NRG1: variants seen among roughly 807,000 people sequenced by gnomAD.
NRG1 encodes the protein pro-neuregulin-1, membrane-bound isoform.
In NRG1, 18 loss-of-function variants were observed where a neutral mutation model predicts 63.8. That is an observed-to-expected ratio of 0.28 (90% confidence interval 0.19 to 0.42). The LOEUF is 0.42. Ranked by LOEUF, NRG1 falls within the 10% of genes least tolerant of loss-of-function variation. The pLI, the probability that NRG1 is intolerant of heterozygous loss-of-function variation, is 1.00. For synonymous variants in NRG1, 302 were observed against 301.3 expected (o/e 1.00, Z -0.02); for missense variants, 762 against 814.7 (o/e 0.94, Z 0.79).
At position 31,979,284 on chromosome 8, in the gene NRG1, C is replaced by A. The variant is rs181726580; in HGVS notation, c.37+339853C>A. The stretch of plus-strand genomic sequence containing the variant: ...ATGGAAACAGGATAATGGAGCTAAA[C>A]CTAAATGGCATTTTCTAACCATGTC... On this transcript the variant is annotated intron_variant, in intron 1 of 10. Coordinates refer to the NRG1 transcript ENST00000519301. Among the ~76,000 whole-genome samples, 321 of 152,226 alleles carry A rather than the reference C, an allele frequency of 2.1e-3. 1 individual carries two copies. Among genetic ancestry groups the A allele is most frequent in the African/African-American group, 7.4e-3 (306 of 41,562 alleles).
intron 5 of NRG1, among the ~76,000 whole-genome samples, chr8:32,652,142 T>C (rs1855273544): frequency 6.6e-6 from 1 of 152,152 alleles, no homozygotes; most frequent in South Asian, 2.1e-4. Context: ...ATCCTTACTG[T>C]AGAGAGTTGG....
At chr8:32,580,838 T>C (rs4272337) in intron 1 of NRG1, among the ~76,000 whole-genome samples, 42,868 of 145,200 alleles carry the variant, frequency 0.3, 6,161 homozygotes, top group South Asian at 0.39. Context: ...AAACACTTTC[T>C]AAATGACATA....
intron 1 of NRG1, among the ~76,000 whole-genome samples, chr8:31,821,660 A>G (rs1009654390): frequency 6.6e-6 from 1 of 152,124 alleles, no homozygotes. Flanking sequence ...CTCTACTTAC[A>G]GGAAATGCAA....
rs561341698 is a variant in NRG1 at position 32,670,714 on chromosome 8, C to G, written c.502+53829C>G. On this transcript the variant is annotated intron_variant, in intron 5 of 11. Coordinates refer to ENST00000356819, the Ensembl canonical transcript of NRG1. ...GTTACCCCCTAATACACAGAGGGTGCTCAGACAGCATTTGCTACAGGAGTG... is the reference window on the plus strand; with the variant it reads ...GTTACCCCCTAATACACAGAGGGTGGTCAGACAGCATTTGCTACAGGAGTG... 9.9e-4 allele frequency among the ~76,000 whole-genome samples: 150 copies of G among 152,248 alleles called. 1 individual carries two copies. The highest frequency in any genetic ancestry group is 3.4e-3 in the African/African-American group (140 of 41,538).
intron 1 of NRG1, among the ~76,000 whole-genome samples, chr8:32,500,570 T>C (rs1438821994): frequency 6.6e-6 from 1 of 152,236 alleles, no homozygotes; most frequent in Non-Finnish European, 1.5e-5. Context: ...ACAGCCAATG[T>C]TTCCAATTGT....
intron 1 of NRG1, among the ~76,000 whole-genome samples, chr8:31,765,103 G>T (rs1415212394): frequency 6.6e-6 from 1 of 152,044 alleles, no homozygotes; most frequent in African/African-American, 2.4e-5. Flanking sequence ...GATTATAAGT[G>T]TTACTGTTTT....
In NRG1 at chr8:32,537,074, G is replaced by A. The variant is rs531306007; in HGVS notation, c.38-58754G>A. ...ACAAAAATTGGCCGGGTGTAGTGGC[G>A]CATGCCAGCTACTCGGGAGGCTGAG... On this transcript the variant is annotated intron_variant, in intron 1 of 10. Coordinates refer to the NRG1 transcript ENST00000519301. 8.2e-4 allele frequency among the ~76,000 whole-genome samples: 123 copies of A among 149,548 alleles called. 1 individual carries two copies. In the Middle Eastern group the frequency reaches 0.011, roughly 13 times the overall value.
intron 1 of NRG1, among the ~76,000 whole-genome samples, chr8:31,784,283 C>G (rs1259836925): frequency 1.3e-5 from 2 of 152,210 alleles, no homozygotes; most frequent in Non-Finnish European, 2.9e-5. Flanking sequence ...AGAATAAACA[C>G]TCACTACTTG....
intron 5 of NRG1, among the ~76,000 whole-genome samples, chr8:32,717,337 GTGA>G (rs1819504614): frequency 6.6e-6 from 1 of 152,130 alleles, no homozygotes; most frequent in Admixed American, 6.6e-5. Flanking sequence ...TTGGTCATGA[GTGA>G]AATGACGTAG....
chr8:31,887,693 T>C (rs1484581852), intron 1 of NRG1, among the ~76,000 whole-genome samples: 3 of 152,094 alleles, frequency 2.0e-5, no homozygotes, highest in Non-Finnish European at 4.4e-5. Flanking sequence ...GGTCATTTTA[T>C]CTGAGGAAAG....
At chr8:31,703,158 G>C (rs912688211) in intron 1 of NRG1, among the ~76,000 whole-genome samples, 1 of 150,102 alleles carries the variant, frequency 6.7e-6, no homozygotes, top group African/African-American at 2.5e-5. Flanking sequence ...TAGTTAAGAC[G>C]AAAGGGTATA....
At chr8:32,338,421 T>C (rs956110513) in intron 1 of NRG1, among the ~76,000 whole-genome samples, 2 of 152,150 alleles carry the variant, frequency 1.3e-5, no homozygotes, top group African/African-American at 4.8e-5. Flanking sequence ...CATACGATCA[T>C]AGGTATAATA....
At chr8:32,491,879 T>A (rs1195691451) in intron 1 of NRG1, among the ~76,000 whole-genome samples, 1 of 152,204 alleles carries the variant, frequency 6.6e-6, no homozygotes, top group South Asian at 2.1e-4. Flanking sequence ...GGGAATTAGA[T>A]GGGGTATCAT....
chr8:32,637,130 G>A (rs906423879), intron 5 of NRG1, among the ~76,000 whole-genome samples: 1 of 152,028 alleles, frequency 6.6e-6, no homozygotes, highest in Non-Finnish European at 1.5e-5. Context: ...TAGAGAAAAG[G>A]TGAATTAATC....
intron 1 of NRG1, among the ~76,000 whole-genome samples, chr8:32,080,783 G>C (rs1827343836): frequency 1.3e-5 from 2 of 151,372 alleles, no homozygotes; most frequent in Admixed American, 1.3e-4. Context: ...GTGTGTGTGT[G>C]TGTGTGTGTG....
At chr8:31,703,970 G>A (rs1810879127) in intron 1 of NRG1, among the ~76,000 whole-genome samples, 1 of 152,172 alleles carries the variant, frequency 6.6e-6, no homozygotes, top group South Asian at 2.1e-4. Context: ...CTTGTAAGAT[G>A]TGCTAGCATT....
At position 32,756,448 on chromosome 8, in the gene NRG1, G is replaced by A. The variant is rs897094254; in HGVS notation, c.840G>A (p.Arg280=). 4 of 1,613,578 alleles carry A rather than the reference G, an allele frequency of 2.5e-6. No homozygotes were observed. The African/African-American group carries it at 5.3e-5, about 22-fold the overall frequency. Residue 280 remains arginine (R), a synonymous_variant, in exon 9 of 12, where the codon CGG becomes CGA. Coordinates refer to ENST00000356819, the Ensembl canonical transcript of NRG1. ...ATGACCGTCTTCGGCAGAGCCTTCGGTCTGAACGAAACAATATGATGAACA... is the reference window on the plus strand; with the variant it reads ...ATGACCGTCTTCGGCAGAGCCTTCGATCTGAACGAAACAATATGATGAACA...
intron 1 of NRG1, among the ~76,000 whole-genome samples, chr8:32,381,726 C>A (rs1810379670): frequency 6.6e-6 from 1 of 152,104 alleles, no homozygotes; most frequent in Non-Finnish European, 1.5e-5. Context: ...TAAAGATACT[C>A]TTAAATAGTA....
chr8:31,647,567 C>G (rs945132818), intron 1 of NRG1, among the ~76,000 whole-genome samples: 2 of 152,192 alleles, frequency 1.3e-5, no homozygotes, highest in African/African-American at 4.8e-5. Context: ...GTTTGCTTCA[C>G]ATAGAATTTC....
Sources: gnomAD v4.1 joint callset for allele counts (sites outside exome capture counted in the v4.1 genomes callset) on GRCh38, gnomAD v4.1.1 for gene constraint, MANE v1.5 for transcripts, NCBI Gene and HGNC (gene_info 2026-07-23, HGNC 2026-07-21) for gene names.